Variants in MAP3K19 observed in about 807,000 individuals in gnomAD.
MAP3K19 encodes SPS1/STE20-related protein kinase YSK4.
A neutral mutation model predicts 114.4 loss-of-function variants in MAP3K19; 91 were observed. The observed-to-expected ratio is 0.80, with a 90% CI of 0.67 to 0.95. The LOEUF (loss-of-function observed/expected upper bound fraction) is 0.95, where lower values mean the gene tolerates loss of function less well. Among genes scored for constraint, MAP3K19 ranks in the 40% least tolerant of loss-of-function variants. The pLI is 0.00. For synonymous variants in MAP3K19, 518 were observed against 530.5 expected (o/e 0.98, Z 0.32); for missense variants, 1,471 against 1,573.2 (o/e 0.94, Z 1.10).
chr2:135,021,684 G>C (rs767156003), intron 5 of MAP3K19, 31 bp downstream of exon 5: 1 of 1,257,538 alleles, frequency 8.0e-7, no homozygotes, highest in Non-Finnish European at 1.2e-6. Flanking sequence ...GGAGTAGGCT[G>C]TCCGTTGTTT....
chr2:134,964,597 T>G lies in MAP3K19; in HGVS notation c.*253A>C, dbSNP rs1175382221. Reference sequence around the variant, plus strand: ...AATAGAGAATGTAGTTCCTGGACAATCAAAACTGTAAACACTGAAATAGTT... The same window carrying G: ...AATAGAGAATGTAGTTCCTGGACAAGCAAAACTGTAAACACTGAAATAGTT... On this transcript the variant is annotated 3_prime_UTR_variant, in exon 13 of 13. Transcript: ENST00000392915. 8 of 292,668 alleles carry G rather than the reference T, an allele frequency of 2.7e-5. No homozygotes were observed. The highest frequency in any genetic ancestry group is 5.1e-5 in the Non-Finnish European group (8 of 156,826). The allele number at this position is 292,668 out of a possible 1,614,324, so 18.1% of individuals were successfully genotyped here. A position where few individuals can be genotyped will look rare whatever the true frequency, so the allele number is the denominator to read the frequency against.
chr2:134,990,472 T>G (rs1685486875), intron 9 of MAP3K19, among the ~76,000 whole-genome samples: 1 of 147,758 alleles, frequency 6.8e-6, no homozygotes, highest in Admixed American at 6.8e-5. Flanking sequence ...TTTTTTTTTT[T>G]GTTTGTTTGT....
intron 6 of MAP3K19, among the ~76,000 whole-genome samples, chr2:135,004,093 T>C (rs533214205): frequency 6.6e-6 from 1 of 152,298 alleles, no homozygotes; most frequent in East Asian, 1.9e-4. Context: ...ATGGCTCCCA[T>C]ATGAAAACTG....
intron 8 of MAP3K19, among the ~76,000 whole-genome samples, chr2:134,998,420 GA>G (rs1467116507): frequency 2.0e-5 from 3 of 152,170 alleles, no homozygotes; most frequent in African/African-American, 7.2e-5. Context: ...AATGTTTAAA[GA>G]AATAAGCAAT....
chr2:135,008,541 C>T (rs2105325401), intron 5 of MAP3K19, among the ~76,000 whole-genome samples: 1 of 152,260 alleles, frequency 6.6e-6, no homozygotes, highest in Non-Finnish European at 1.5e-5. Context: ...ACTAATACCC[C>T]AATTTTGCAT....
chr2:135,004,975 G>A (rs1275380323), intron 6 of MAP3K19, among the ~76,000 whole-genome samples: 1 of 152,164 alleles, frequency 6.6e-6, no homozygotes, highest in African/African-American at 2.4e-5. Flanking sequence ...CAGGGAATGG[G>A]TCGGCTGAGC....
At chr2:134,965,837 C>T (rs564979938) in intron 12 of MAP3K19, among the ~76,000 whole-genome samples, 21 of 152,302 alleles carry the variant, frequency 1.4e-4, no homozygotes, top group African/African-American at 4.8e-4. Flanking sequence ...CTCCTTCTAT[C>T]TAATTATGTA....
intron 5 of MAP3K19, among the ~76,000 whole-genome samples, chr2:135,009,529 G>C (rs935487004): frequency 2.6e-5 from 4 of 152,078 alleles, no homozygotes; most frequent in African/African-American, 9.7e-5. Context: ...TGAGAAAACA[G>C]CAGCCTTCAT....
intron 6 of MAP3K19, among the ~76,000 whole-genome samples, chr2:135,003,969 A>G (rs1039653167): frequency 4.6e-5 from 7 of 152,278 alleles, no homozygotes; most frequent in African/African-American, 1.7e-4. Context: ...TGAAGTCTCT[A>G]TCAACTGTGA....
At position 135,031,429 on chromosome 2, in the gene MAP3K19, G is replaced by C. The variant is rs76876678; in HGVS notation, c.-283-929C>G. On this transcript the variant is annotated intron_variant, in intron 2 of 12. Coordinates refer to ENST00000392915, the MANE Select transcript of MAP3K19 (RefSeq NM_025052.5). ...CAAGTAATATTCAAAGCTTTGGAAG[G>C]AGTTAGGTATGTCTAGAGCCCAGAA... Among the ~76,000 whole-genome samples, 773 of 152,256 alleles carry C rather than the reference G, an allele frequency of 5.1e-3. 29 individuals carry two copies. The East Asian group carries it at 0.072, about 14-fold the overall frequency.
In MAP3K19 at chr2:134,964,859, T is replaced by A. The variant is rs142282210; in HGVS notation, c.3978A>T (p.Arg1326Ser). ...LQLLKHSFLERSH is the reference protein window; with the variant it reads ...LQLLKHSFLESSH ...AAGTCTTGATGTATATTCAGTGACT[T>A]CTCTCCAAGAAGGAGTGCTTCAGGA... is the stretch of plus-strand genomic sequence containing the variant. The change falls in exon 13 of 13, where the codon AGA becomes AGT. Residue 1326 changes from arginine to serine, a missense_variant. Transcript: ENST00000392915. The A allele has an allele frequency of 1.2e-6, 2 of 1,612,946 alleles. No homozygotes were observed. The highest frequency in any genetic ancestry group is 2.7e-5 in the African/African-American group (2 of 74,912).
At chr2:134,984,691 G>A (rs1684967363) in intron 10 of MAP3K19, among the ~76,000 whole-genome samples, 3 of 152,252 alleles carry the variant, frequency 2.0e-5, no homozygotes, top group East Asian at 1.9e-4. Flanking sequence ...CGTGGCTCAC[G>A]CCTGTAATCC....
At chr2:135,032,194 TAAAAATAC>T (rs1688396805) in intron 2 of MAP3K19, among the ~76,000 whole-genome samples, 4 of 151,822 alleles carry the variant, frequency 2.6e-5, no homozygotes, top group Middle Eastern at 3.4e-3. Flanking sequence ...CCATCTCTAC[TAAAAATAC>T]AAAAATTAGC....
At chr2:135,026,920 C>T (rs1688269254) in intron 3 of MAP3K19, among the ~76,000 whole-genome samples, 1 of 152,156 alleles carries the variant, frequency 6.6e-6, no homozygotes, top group Non-Finnish European at 1.5e-5. Context: ...CTGCACATCA[C>T]TTTGCAATTG....
Position 134,991,589 on chromosome 2 carries a change from A to G in MAP3K19, c.575-9T>C. The stretch of plus-strand genomic sequence containing the variant: ...ATGAGAGGTCGAAAACTCTACAACA[A>G]GAAAAACAATAACTGGATATTCTTA... On this transcript the variant is annotated splice_polypyrimidine_tract_variant and intron_variant, in intron 8 of 12. Coordinates refer to ENST00000392915, the MANE Select transcript of MAP3K19 (RefSeq NM_025052.5). 1 of 1,611,146 alleles carries G rather than the reference A, an allele frequency of 6.2e-7. No individual in the cohort carries two copies. Among genetic ancestry groups the G allele is most frequent in the South Asian group, 1.1e-5 (1 of 91,012 alleles).
At chr2:135,017,701 T>C (rs1687670591) in intron 5 of MAP3K19, among the ~76,000 whole-genome samples, 1 of 152,066 alleles carries the variant, frequency 6.6e-6, no homozygotes, top group African/African-American at 2.4e-5. Flanking sequence ...CATGGTTCTT[T>C]GCAGTACATC....
intron 8 of MAP3K19, among the ~76,000 whole-genome samples, chr2:134,997,446 C>T (rs898004930): frequency 2.0e-5 from 3 of 152,082 alleles, no homozygotes; most frequent in African/African-American, 7.2e-5. Flanking sequence ...TGTGAATGTA[C>T]TTAAATGCCA....
intron 12 of MAP3K19, among the ~76,000 whole-genome samples, chr2:134,965,833 C>T (rs1683301609): frequency 6.6e-6 from 1 of 152,170 alleles, no homozygotes; most frequent in South Asian, 2.1e-4. Flanking sequence ...CTTACTCCTT[C>T]TATCTAATTA....
intron 2 of MAP3K19, among the ~76,000 whole-genome samples, chr2:135,037,689 G>C (rs1688562464): frequency 6.6e-6 from 1 of 152,140 alleles, no homozygotes; most frequent in African/African-American, 2.4e-5. Context: ...GGCCTTGGAA[G>C]ATAGAAATAG....
Sources: gnomAD v4.1 joint callset for allele counts (sites outside exome capture counted in the v4.1 genomes callset) on GRCh38, gnomAD v4.1.1 for gene constraint, MANE v1.5 for transcripts, NCBI Gene and HGNC (gene_info 2026-07-23, HGNC 2026-07-21) for gene names.